The following CIBAR1 variants were observed in gnomAD, a reference collection of about 807,000 sequenced individuals.
CIBAR1 encodes CBY1-interacting BAR domain-containing protein 1.
In CIBAR1, 25 loss-of-function variants were observed where a neutral mutation model predicts 44.0. The observed-to-expected ratio is 0.57, with a 90% CI of 0.41 to 0.79. The LOEUF (loss-of-function observed/expected upper bound fraction) is 0.79. Among genes scored for constraint, CIBAR1 ranks in the 30% least tolerant of loss-of-function variants. The pLI, the probability that CIBAR1 is intolerant of heterozygous loss-of-function variation, is 0.00. For synonymous variants in CIBAR1, 115 were observed against 119.0 expected (o/e 0.97, Z 0.22); for missense variants, 278 against 344.8 (o/e 0.81, Z 1.53).
intron 7 of CIBAR1, among the ~76,000 whole-genome samples, chr8:93,720,405 T>C (rs1811217607): frequency 6.6e-6 from 1 of 152,200 alleles, no homozygotes; most frequent in South Asian, 2.1e-4. Flanking sequence ...AAAGTACATA[T>C]TACAGTATGT....
intron 6 of CIBAR1, among the ~76,000 whole-genome samples, chr8:93,712,549 A>C (rs1172892355): frequency 1.3e-5 from 2 of 152,168 alleles, no homozygotes; most frequent in South Asian, 4.1e-4. Context: ...TTTCTTTTGG[A>C]TATATACCCA....
intron 6 of CIBAR1, 59 bp downstream of exon 6, chr8:93,709,934 G>T (rs1178150783): frequency 1.5e-6 from 2 of 1,314,722 alleles, no homozygotes; most frequent in Non-Finnish European, 2.1e-6. Context: ...TTACTTTAAT[G>T]AAAAATTTAA....
At chr8:93,710,834 C>T (rs1246594404) in intron 6 of CIBAR1, among the ~76,000 whole-genome samples, 1 of 83,212 alleles carries the variant, frequency 1.2e-5, no homozygotes, top group African/African-American at 3.9e-5. Context: ...GAGACTCTGA[C>T]TCAAAAAAAA....
At chr8:93,721,815 C>G (rs1288350847) in intron 7 of CIBAR1, among the ~76,000 whole-genome samples, 3 of 98,136 alleles carry the variant, frequency 3.1e-5, no homozygotes, top group Non-Finnish European at 4.0e-5. Context: ...TATGACCAGT[C>G]CTATAAAGAA....
intron 7 of CIBAR1, among the ~76,000 whole-genome samples, chr8:93,725,280 G>T (rs1563651723): frequency 6.6e-6 from 1 of 152,182 alleles, no homozygotes; most frequent in Non-Finnish European, 1.5e-5. Flanking sequence ...ACTGTGTGCA[G>T]CAGCATTGTT....
chr8:93,724,189 A>G (rs971971477), intron 7 of CIBAR1, among the ~76,000 whole-genome samples: 2 of 152,208 alleles, frequency 1.3e-5, no homozygotes, highest in Non-Finnish European at 2.9e-5. Context: ...CACTACTGCA[A>G]TTCAGCCTAA....
At chr8:93,701,693 A>G (rs1449447735) in intron 2 of CIBAR1, 1 of 506,108 alleles carries the variant, frequency 2.0e-6, no homozygotes. Flanking sequence ...TCCCCACTTT[A>G]TTTGCCAACT....
At chr8:93,702,224 C>T (rs1171603342) in intron 2 of CIBAR1, 2 of 427,536 alleles carry the variant, frequency 4.7e-6, no homozygotes, top group Admixed American at 5.2e-5. Context: ...AAATTGAACT[C>T]ATCATTGCTA....
chr8:93,707,519 CAT>C (rs1474727263), intron 4 of CIBAR1, among the ~76,000 whole-genome samples: 5 of 152,314 alleles, frequency 3.3e-5, no homozygotes, highest in East Asian at 1.9e-4. Flanking sequence ...CTGCATCAGT[CAT>C]GTGTAATAAA....
chr8:93,730,520 AGAC>A lies in CIBAR1; in HGVS notation c.*2227_*2229del, dbSNP rs1166526305. On this transcript the variant is annotated 3_prime_UTR_variant, in exon 9 of 9. Coordinates refer to ENST00000518322, the MANE Select transcript of CIBAR1 (RefSeq NM_145269.5). ...GATAGGAGAGGAAAAACTGGCTATG[AGAC>A]GACAATTACTGAAGCTGAGTGATGT... The A allele has an allele frequency of 2.0e-5, 3 of 152,218 alleles. No individual in the cohort carries two copies. Among genetic ancestry groups the A allele is most frequent in the Admixed American group, 6.5e-5 (1 of 15,288 alleles). The allele number at this position is 152,218 out of a possible 1,614,324, so 9.4% of individuals were successfully genotyped here. A position where few individuals can be genotyped will look rare whatever the true frequency, so the allele number is the denominator to read the frequency against.
At chr8:93,727,322 T>TC (rs1563653240) in intron 8 of CIBAR1, 1 of 585,170 alleles carries the variant, frequency 1.7e-6, no homozygotes, top group East Asian at 7.2e-5. Flanking sequence ...TATGTATCTC[T>TC]CCCCCAACCC....
At chr8:93,714,112 ATTTAT>A (rs1810942724) in intron 6 of CIBAR1, among the ~76,000 whole-genome samples, 1 of 152,134 alleles carries the variant, frequency 6.6e-6, no homozygotes, top group Non-Finnish European at 1.5e-5. Context: ...ATATTTTTCC[ATTTAT>A]TTTAATATTC....
chr8:93,701,602 T>C (rs1369929789), intron 2 of CIBAR1, 144 bp downstream of exon 2: 1 of 694,782 alleles, frequency 1.4e-6, no homozygotes, highest in African/African-American at 1.8e-5. Flanking sequence ...TAAGACTGTG[T>C]GAGTCTATTA....
chr8:93,707,985 A>G (rs1563641666), intron 4 of CIBAR1, 26 bp from the exon 5 acceptor site: 3 of 1,530,570 alleles, frequency 2.0e-6, no homozygotes, highest in Non-Finnish European at 2.6e-6. Context: ...TTTGAAATGT[A>G]TTTTTTCCTT....
intron 6 of CIBAR1, among the ~76,000 whole-genome samples, chr8:93,714,873 G>A (rs936482264): frequency 1.3e-5 from 2 of 152,128 alleles, no homozygotes; most frequent in Non-Finnish European, 1.5e-5. Context: ...ATAAATGCCT[G>A]GAAAAGTCAG....
chr8:93,713,318 C>T (rs1453321431), intron 6 of CIBAR1, among the ~76,000 whole-genome samples: 2 of 152,146 alleles, frequency 1.3e-5, no homozygotes, highest in Non-Finnish European at 2.9e-5. Flanking sequence ...CAGGCGTGAG[C>T]CACCATGCCC....
At chr8:93,719,350 C>T (rs143508928) in intron 7 of CIBAR1, among the ~76,000 whole-genome samples, 1 of 152,064 alleles carries the variant, frequency 6.6e-6, no homozygotes, top group Non-Finnish European at 1.5e-5. Flanking sequence ...TACTGTGTAT[C>T]ATTTTGACTG....
rs541492350 is a variant in CIBAR1, at chr8:93,710,705, AC to A, written c.543+831del. Among the ~76,000 whole-genome samples the A allele has an allele frequency of 1.6e-3, 237 of 152,066 alleles. 1 individual carries two copies. The highest frequency in any genetic ancestry group is 5.5e-3 in the African/African-American group (229 of 41,478). ...AAAAATTAGCCAGGCGTGATGGCACACACCTGTAATCCCAGCTACCTGGGAG... is the reference window on the plus strand; with the variant it reads ...AAAAATTAGCCAGGCGTGATGGCACAACCTGTAATCCCAGCTACCTGGGAG... On this transcript the variant is annotated intron_variant, in intron 6 of 8. Coordinates refer to ENST00000518322, the MANE Select transcript of CIBAR1 (RefSeq NM_145269.5).
At chr8:93,721,392 C>T (rs1811256559) in intron 7 of CIBAR1, among the ~76,000 whole-genome samples, 1 of 152,182 alleles carries the variant, frequency 6.6e-6, no homozygotes, top group Admixed American at 6.5e-5. Context: ...TCCTCCTCAT[C>T]CCAGAGGTCC....
Sources: gnomAD v4.1 joint callset for allele counts (sites outside exome capture counted in the v4.1 genomes callset) on GRCh38, gnomAD v4.1.1 for gene constraint, MANE v1.5 for transcripts, NCBI Gene and HGNC (gene_info 2026-07-23, HGNC 2026-07-21) for gene names.